The following TEX52 variants were observed in gnomAD, a reference collection of about 807,000 sequenced individuals.
The protein encoded by TEX52 is testis expressed 52.
TEX52 carries 22 observed loss-of-function variants against 17.6 expected under a neutral mutation model. That is an observed-to-expected ratio of 1.25 (90% CI 0.89 to 1.78). TEX52 has a LOEUF of 1.78. Among genes scored for constraint, TEX52 ranks in the 40% most tolerant of loss-of-function variants. The pLI is 0.00. For synonymous variants in TEX52, 168 were observed against 147.4 expected (o/e 1.14, Z -1.01); for missense variants, 396 against 372.3 (o/e 1.06, Z -0.52).
chr12:2,854,929 T>A lies in TEX52; in HGVS notation c.590A>T (p.Gln197Leu), dbSNP rs375710324. The change falls in exon 2 of 3, where the codon CAG (glutamine) becomes CTG (leucine). Residue 197 changes from glutamine to leucine, a missense_variant. Coordinates refer to ENST00000637658, the MANE Select transcript of TEX52 (RefSeq NM_001365174.2). The part of the protein sequence containing the change: ...SEARAPPLDA[Q>L]GNIQPPASFK... ...GCTCGCTGGCGGCTGGATGTTGCCCTGGGCATCGAGTGGGGGTGCTCTTGC... is the reference window on the plus strand; with the variant it reads ...GCTCGCTGGCGGCTGGATGTTGCCCAGGGCATCGAGTGGGGGTGCTCTTGC... 1 of 1,535,876 alleles carries A rather than the reference T, an allele frequency of 6.5e-7. No individual in the cohort carries two copies.
chr12:2,855,115 G>A lies in TEX52; in HGVS notation c.404C>T (p.Thr135Met), dbSNP rs760936412. The A allele has an allele frequency of 4.1e-5, 63 of 1,533,978 alleles. No individual in the cohort carries two copies. The East Asian group carries it at 6.6e-4, about 16-fold the overall frequency. The stretch of plus-strand genomic sequence containing the variant: ...GGAGGGAGGGGGGATGGGGTGCTCC[G>A]TGGGGGGGCATCTGTGGGCATTGGA... ...TDSNAHRCPP[T>M]EHPIPPPSWM... is the part of the protein sequence containing the mutation. Residue 135 changes from threonine (T) to methionine (M), a missense_variant, in exon 2 of 3, where the codon ACG becomes ATG. Transcript: ENST00000637658.
At chr12:2,854,719 C>T (rs982744869) in intron 2 of TEX52, among the ~76,000 whole-genome samples, 177 bp downstream of exon 2, 2 of 152,164 alleles carry the variant, frequency 1.3e-5, no homozygotes, top group Non-Finnish European at 2.9e-5. Context: ...TGCCTCCACT[C>T]GCTGTTCCTC....
In TEX52 at chr12:2,854,848, C is replaced by A; in HGVS notation, c.623+48G>T. 2.0e-6 allele frequency: 3 copies of A among 1,485,836 alleles called. No individual in the cohort carries two copies. In the South Asian group the frequency reaches 4.0e-5, roughly 20 times the overall value. 92.0% of individuals were successfully genotyped at this position (1,485,836 alleles called of 1,614,324 possible). A position where few individuals can be genotyped will look rare whatever the true frequency, so the allele number is the denominator to read the frequency against. ...AGGAACCTGAGAGAGGGAGGGGTCA[C>A]CTGGGCAGGGCAGGCTGGGTGGGCT... On this transcript the variant is annotated intron_variant, in intron 2 of 2. Transcript: ENST00000637658.
At chr12:2,851,687 A>AT (rs1184716761) in intron 2 of TEX52, among the ~76,000 whole-genome samples, 1 of 150,706 alleles carries the variant, frequency 6.6e-6, no homozygotes, top group East Asian at 1.9e-4. Flanking sequence ...TTTTATTTTA[A>AT]TTTTTTCCCA....
At chr12:2,850,978 C>CTTTT (rs35125854) in intron 2 of TEX52, among the ~76,000 whole-genome samples, 44 of 81,666 alleles carry the variant, frequency 5.4e-4, no homozygotes, top group African/African-American at 1.3e-3. Flanking sequence ...GGCCCAGAGT[C>CTTTT]TTTTTTTTTT....
Position 2,855,017 on chromosome 12 carries a change from G to C in TEX52, c.502C>G (p.Gln168Glu). The change falls in exon 2 of 3, where the codon CAG becomes GAG. Residue 168 changes from glutamine (Q) to glutamate (E), a missense_variant. Gln to Glu is a conservative substitution (Grantham distance 29). Coordinates refer to ENST00000637658, the MANE Select transcript of TEX52 (RefSeq NM_001365174.2). ...TCCTTCACTGTCCTGAAAATCACCT[G>C]CTTCTTCCTTTTCATGTCCACAAAC... Reference protein sequence around the residue: ...PTFVDMKRKKQVIFRTVKELK... With the variant: ...PTFVDMKRKKEVIFRTVKELK... 6.5e-7 allele frequency: 1 copy of C among 1,536,146 alleles called. No homozygotes were observed. Among genetic ancestry groups the C allele is most frequent in the Non-Finnish European group, 8.7e-7 (1 of 1,146,928 alleles).
chr12:2,850,144 G>A (rs1437432954), intron 2 of TEX52, among the ~76,000 whole-genome samples: 1 of 152,078 alleles, frequency 6.6e-6, no homozygotes, highest in African/African-American at 2.4e-5. Context: ...CAGTTAGTTA[G>A]AATCTCCAGA....
downstream of TEX52, among the ~76,000 whole-genome samples, chr12:2,848,497 C>A (rs910018832): frequency 6.6e-6 from 1 of 152,208 alleles, no homozygotes; most frequent in African/African-American, 2.4e-5. Context: ...ACCCTTCCCC[C>A]ACAGGTATCC....
chr12:2,852,951 G>T (rs914026197), intron 2 of TEX52, among the ~76,000 whole-genome samples: 5 of 151,866 alleles, frequency 3.3e-5, no homozygotes, highest in Non-Finnish European at 7.4e-5. Flanking sequence ...AGTGAGCCAA[G>T]ATCACACCAC....
At chr12:2,849,622 CAAGCTAGTTAGCCATCAGGCGGCAGG>C in intron 2 of TEX52, 97 bp from the exon 3 acceptor site, 2 of 1,374,976 alleles carry the variant, frequency 1.5e-6, no homozygotes, top group East Asian at 5.0e-5. Flanking sequence ...CCGCTGTCCA[CAAGCTAGTTAGCCATCAGGCGGCAGG>C]GAATCCCTTC....
At chr12:2,855,612 G>A (rs958961639) in intron 1 of TEX52, among the ~76,000 whole-genome samples, 166 bp from the exon 2 acceptor site, 5 of 152,152 alleles carry the variant, frequency 3.3e-5, no homozygotes, top group Admixed American at 1.3e-4. Context: ...TCTCCTTCCC[G>A]GCGGAAGTTA....
chr12:2,854,769 G>C (rs1427950187), intron 2 of TEX52, 127 bp downstream of exon 2: 2 of 967,016 alleles, frequency 2.1e-6, no homozygotes, highest in Admixed American at 5.8e-5. Flanking sequence ...ACTCAGAAAA[G>C]AGTTTGGTTT....
chr12:2,854,675 GCATAGCTGTCCCC>G (rs564990596), intron 2 of TEX52, among the ~76,000 whole-genome samples: 26 of 152,314 alleles, frequency 1.7e-4, no homozygotes, highest in African/African-American at 6.3e-4. Context: ...GGTGTCACCT[GCATAGCTGTCCCC>G]CAGATTTTAG....
At chr12:2,855,910 A>G (rs1277155038) in intron 1 of TEX52, among the ~76,000 whole-genome samples, 1 of 152,032 alleles carries the variant, frequency 6.6e-6, no homozygotes, top group Non-Finnish European at 1.5e-5. Flanking sequence ...TCCAGAAAAT[A>G]GGGCCAGGGG....
chr12:2,849,491 G>T lies in TEX52; in HGVS notation c.658C>A (p.Pro220Thr), dbSNP rs983297700. The T allele has an allele frequency of 3.9e-6, 6 of 1,536,162 alleles. No homozygotes were observed. Among genetic ancestry groups the T allele is most frequent in the Admixed American group, 2.0e-5 (1 of 51,010 alleles). ...TTGGGCATGAGCTGGAGGCCCTGGG[G>T]TTCAAACCTCCCACCAGCGGATATG... Reference protein sequence around the residue: ...RHISAGGRFEPQGLQLMPNPF... With the variant: ...RHISAGGRFETQGLQLMPNPF... Residue 220 changes from proline (P) to threonine (T), a missense_variant, in exon 3 of 3, where the codon CCC becomes ACC. Transcript: ENST00000637658.
At position 2,855,264 on chromosome 12, in the gene TEX52, C is replaced by T. The variant is rs1565453487; in HGVS notation, c.255G>A (p.Trp85Ter). 2.0e-6 allele frequency: 3 copies of T among 1,513,902 alleles called. No homozygotes were observed. 93.8% of individuals were successfully genotyped at this position (1,513,902 alleles called of 1,614,324 possible). Reference protein sequence around the residue: ...SKVRQRLIHPWKGGAQHTWGF... With the variant: ...SKVRQRLIHP ...CCCAGGTGTGCTGGGCGCCACCCTT[C>T]CAAGGGTGGATGAGCCGCTGACGCA... Residue 85 changes from tryptophan to a stop codon, truncating the protein, a stop_gained, in exon 2 of 3, where the codon TGG becomes TGA. Coordinates refer to ENST00000637658, the MANE Select transcript of TEX52 (RefSeq NM_001365174.2). LOFTEE classifies it high-confidence loss of function.
At chr12:2,853,618 T>TG (rs1011188861) in intron 2 of TEX52, among the ~76,000 whole-genome samples, 3 of 152,116 alleles carry the variant, frequency 2.0e-5, no homozygotes, top group African/African-American at 7.2e-5. Flanking sequence ...TTTTTGTTTT[T>TG]TTTTCAGATT....
chr12:2,851,563 G>A (rs377523151), intron 2 of TEX52, among the ~76,000 whole-genome samples: 13 of 152,108 alleles, frequency 8.5e-5, no homozygotes, highest in African/African-American at 2.7e-4. Flanking sequence ...GGCTGGCCTT[G>A]AACTCCTGAC....
At chr12:2,856,777 T>C (rs1283363950) in intron 1 of TEX52, among the ~76,000 whole-genome samples, 178 bp downstream of exon 1, 1 of 152,102 alleles carries the variant, frequency 6.6e-6, no homozygotes, top group African/African-American at 2.4e-5. Flanking sequence ...TAGCCAGGCA[T>C]CTCCTCTCTG....
Sources: gnomAD v4.1 joint callset for allele counts (sites outside exome capture counted in the v4.1 genomes callset) on GRCh38, gnomAD v4.1.1 for gene constraint, MANE v1.5 for transcripts, NCBI Gene and HGNC (gene_info 2026-07-23, HGNC 2026-07-21) for gene names.